FRMD3: variants seen among roughly 807,000 people sequenced by gnomAD.
FRMD3 encodes FERM domain containing 3.
In FRMD3, 33 loss-of-function variants were observed where a neutral mutation model predicts 70.2. The ratio of observed to expected loss-of-function variants is 0.47; its 90% CI spans 0.36 to 0.63. The LOEUF is 0.63. Among genes scored for constraint, FRMD3 ranks in the 20% least tolerant of loss-of-function variants. The pLI is 0.00. For synonymous variants in FRMD3, 279 were observed against 255.9 expected (o/e 1.09, Z -0.86); for missense variants, 632 against 711.4 (o/e 0.89, Z 1.27).
chr9:83,340,225 T>C (rs566331841), intron 5 of FRMD3, among the ~76,000 whole-genome samples: 11 of 152,212 alleles, frequency 7.2e-5, no homozygotes. Flanking sequence ...AGTGCCCCGA[T>C]TCATTTCAGG....
chr9:83,272,417 G>A (rs557932275), intron 13 of FRMD3, among the ~76,000 whole-genome samples: 2 of 152,134 alleles, frequency 1.3e-5, no homozygotes, highest in East Asian at 3.9e-4. Flanking sequence ...GCTCAATGTT[G>A]CCCAGGCTGG....
At chr9:83,258,457 G>A (rs796950420) in intron 13 of FRMD3, among the ~76,000 whole-genome samples, 4 of 152,348 alleles carry the variant, frequency 2.6e-5, no homozygotes, top group African/African-American at 9.6e-5. Context: ...CCCTTGTCTA[G>A]TTTGCCTGTG....
Position 83,247,643 on chromosome 9 carries a change from T to A in FRMD3, c.*275A>T. On this transcript the variant is annotated 3_prime_UTR_variant, in exon 14 of 14. Transcript: ENST00000304195. ...GTCCAATGTAACATGTATTATGATATAATAGATGAAGGGTATGTCTACACT... is the reference window on the plus strand; with the variant it reads ...GTCCAATGTAACATGTATTATGATAAAATAGATGAAGGGTATGTCTACACT... The A allele has an allele frequency of 9.0e-7, 1 of 1,113,902 alleles. No individual in the cohort carries two copies. The allele number at this position is 1,113,902 out of a possible 1,614,324, so 69.0% of individuals were successfully genotyped here. A position where few individuals can be genotyped will look rare whatever the true frequency, so the allele number is the denominator to read the frequency against.
At chr9:83,382,935 C>T (rs1010208354) in intron 2 of FRMD3, among the ~76,000 whole-genome samples, 16 of 152,154 alleles carry the variant, frequency 1.1e-4, no homozygotes, top group African/African-American at 3.6e-4. Context: ...CAACTCAAAA[C>T]GTTCAGAACT....
the FRMD3 span, among the ~76,000 whole-genome samples, chr9:83,551,602 T>A: frequency 2.6e-5 from 4 of 152,154 alleles, no homozygotes; most frequent in African/African-American, 9.6e-5. Flanking sequence ...ATCCATCAGG[T>A]CCCAAGCTTT....
intron 1 of FRMD3, among the ~76,000 whole-genome samples, chr9:83,495,008 C>T (rs1828912724): frequency 6.6e-6 from 1 of 151,918 alleles, no homozygotes. Flanking sequence ...TCACCAGTTG[C>T]ACAATATTCT....
chr9:83,555,609 G>A, the FRMD3 span, among the ~76,000 whole-genome samples: 1 of 152,230 alleles, frequency 6.6e-6, no homozygotes, highest in African/African-American at 2.4e-5. Context: ...CTTATCTTGT[G>A]AAGTGTCATG....
At chr9:83,328,686 T>C (rs957833285) in intron 6 of FRMD3, among the ~76,000 whole-genome samples, 4 of 152,180 alleles carry the variant, frequency 2.6e-5, no homozygotes, top group Non-Finnish European at 5.9e-5. Context: ...AGACCCCAGC[T>C]TGGGGATGAA....
Position 83,506,411 on chromosome 9 carries a change from T to C in FRMD3, c.147+31674A>G, listed in dbSNP as rs1829183124. Among the ~76,000 whole-genome samples the C allele has an allele frequency of 2.0e-5, 3 of 152,232 alleles. No homozygotes were observed. In the South Asian group the frequency reaches 6.2e-4, roughly 31 times the overall value. ...TACTATGCACCCAGGCTATGTGCTA[T>C]GTGGTAGAGCCTATTGCTCCTGGGC... On this transcript the variant is annotated intron_variant, in intron 1 of 13. Coordinates refer to ENST00000304195, the MANE Select transcript of FRMD3 (RefSeq NM_174938.6).
intron 12 of FRMD3, among the ~76,000 whole-genome samples, chr9:83,295,065 C>T (rs78077374): frequency 0.042 from 6,344 of 152,308 alleles, 188 homozygotes; most frequent in Middle Eastern, 0.082. Context: ...CAGCCCCACT[C>T]ATGCATGTAC....
At chr9:83,258,178 TCACAA>T (rs1429717404) in intron 13 of FRMD3, among the ~76,000 whole-genome samples, 1 of 152,136 alleles carries the variant, frequency 6.6e-6, no homozygotes, top group Non-Finnish European at 1.5e-5. Context: ...ATGTCAGGCA[TCACAA>T]CACAACCTAC....
the FRMD3 span, among the ~76,000 whole-genome samples, chr9:83,551,455 G>T: frequency 4.6e-5 from 7 of 152,074 alleles, no homozygotes; most frequent in African/African-American, 1.7e-4. Context: ...TTGTGTCTCT[G>T]CCAGGCTTTG....
chr9:83,454,187 G>A (rs1217841677), intron 1 of FRMD3, among the ~76,000 whole-genome samples: 1 of 152,164 alleles, frequency 6.6e-6, no homozygotes, highest in East Asian at 1.9e-4. Context: ...TGTAGCTATT[G>A]TAGGATTACA....
intron 5 of FRMD3, among the ~76,000 whole-genome samples, chr9:83,340,025 A>G (rs1823703823): frequency 6.6e-6 from 1 of 152,198 alleles, no homozygotes; most frequent in South Asian, 2.1e-4. Context: ...TTGAAGCTTC[A>G]GTATATTCTG....
chr9:83,523,934 A>G (rs2131549128), intron 1 of FRMD3, among the ~76,000 whole-genome samples: 1 of 152,338 alleles, frequency 6.6e-6, no homozygotes, highest in African/African-American at 2.4e-5. Flanking sequence ...GGAACACAGG[A>G]GGTGAAGATA....
At chr9:83,308,023 T>G (rs1338456062) in intron 10 of FRMD3, among the ~76,000 whole-genome samples, 1 of 152,144 alleles carries the variant, frequency 6.6e-6, no homozygotes, top group Non-Finnish European at 1.5e-5. Context: ...CTTGAGGTGG[T>G]GGTGGTCACA....
chr9:83,500,202 T>C (rs1829031998), intron 1 of FRMD3, among the ~76,000 whole-genome samples: 1 of 152,060 alleles, frequency 6.6e-6, no homozygotes, highest in African/African-American at 2.4e-5. Flanking sequence ...CCCACAGAAA[T>C]GTACACCACC....
intron 5 of FRMD3, among the ~76,000 whole-genome samples, chr9:83,342,043 A>ATCTCTCTCTCTC (rs112748690): frequency 0.018 from 2,499 of 139,616 alleles, 44 homozygotes; most frequent in African/African-American, 0.037. Flanking sequence ...TGACATAGTC[A>ATCTCTCTCTCTC]TCTCTCTCTC....
chr9:83,585,771 G>T, the FRMD3 span, among the ~76,000 whole-genome samples: 1 of 152,006 alleles, frequency 6.6e-6, no homozygotes, highest in Non-Finnish European at 1.5e-5. Context: ...GTTATTTTTT[G>T]GTTTTCTGAT....
Sources: gnomAD v4.1 joint callset for allele counts (sites outside exome capture counted in the v4.1 genomes callset) on GRCh38, gnomAD v4.1.1 for gene constraint, MANE v1.5 for transcripts, NCBI Gene and HGNC (gene_info 2026-07-23, HGNC 2026-07-21) for gene names.